SLC30A7: variants seen among roughly 807,000 people sequenced by gnomAD.
SLC30A7 encodes solute carrier family 30 member 7, also known as zinc transporter 7.
SLC30A7 carries 35 observed loss-of-function variants against 46.0 expected under a neutral mutation model. The ratio of observed to expected loss-of-function variants is 0.76; its 90% confidence interval spans 0.58 to 1.01. The LOEUF (loss-of-function observed/expected upper bound fraction) is 1.01, where lower values mean the gene tolerates loss of function less well. Ranked by LOEUF, SLC30A7 falls within the 50% of genes least tolerant of loss-of-function variation. The pLI, the probability that SLC30A7 is intolerant of heterozygous loss-of-function variation, is 0.00. For missense variants in SLC30A7, 464 were observed against 451.1 expected (o/e 1.03, Z -0.26); for synonymous variants, 147 against 157.8 (o/e 0.93, Z 0.51).
rs763199175 is a variant in SLC30A7 at position 100,921,861 on chromosome 1, T to C, written c.842+20T>C. ...TGTAAGGTAAGTGTTATTGTTACTT[T>C]CAAGTATTAAAGTGAGACTGAGAGA... On this transcript the variant is annotated intron_variant, in intron 8 of 10. Coordinates refer to ENST00000357650, the MANE Select transcript of SLC30A7 (RefSeq NM_133496.5). 5.8e-5 allele frequency: 93 copies of C among 1,598,270 alleles called. 2 individuals carry two copies. The highest frequency in any genetic ancestry group is 3.7e-4 in the South Asian group (33 of 90,410).
chr1:100,956,386 T>A (rs1421537098), intron 8 of SLC30A7, among the ~76,000 whole-genome samples: 1 of 152,116 alleles, frequency 6.6e-6, no homozygotes, highest in Non-Finnish European at 1.5e-5. Flanking sequence ...GGTTATTTTT[T>A]AAAAAGGTGG....
intron 8 of SLC30A7, among the ~76,000 whole-genome samples, chr1:100,940,246 A>C (rs764443214): frequency 2.0e-5 from 3 of 152,202 alleles, no homozygotes; most frequent in Non-Finnish European, 4.4e-5. Context: ...ATGTTATACT[A>C]TATACCCGGA....
At chr1:100,913,853 G>C in intron 6 of SLC30A7, 47 bp downstream of exon 6, 2 of 1,567,284 alleles carry the variant, frequency 1.3e-6, no homozygotes, top group Non-Finnish European at 8.7e-7. Context: ...ATAAACAAGA[G>C]TTTTGTGGAT....
At chr1:100,993,833 C>T in the SLC30A7 span, among the ~76,000 whole-genome samples, 19 of 151,638 alleles carry the variant, frequency 1.3e-4, no homozygotes, top group African/African-American at 4.6e-4. Context: ...CCTCTGCCTC[C>T]TGGGTTCAAG....
chr1:100,952,009 G>C (rs987572553), intron 8 of SLC30A7, among the ~76,000 whole-genome samples: 21 of 152,302 alleles, frequency 1.4e-4, no homozygotes, highest in African/African-American at 5.1e-4. Context: ...ATCTGAAGAG[G>C]CTATGCTGCT....
At chr1:100,968,922 G>A (rs1037201754) in intron 10 of SLC30A7, among the ~76,000 whole-genome samples, 8 of 152,172 alleles carry the variant, frequency 5.3e-5, no homozygotes, top group African/African-American at 1.9e-4. Context: ...GAAAAATATC[G>A]TTGGGTTCCC....
At chr1:100,920,156 C>T (rs1041085436) in intron 7 of SLC30A7, among the ~76,000 whole-genome samples, 3 of 151,978 alleles carry the variant, frequency 2.0e-5, no homozygotes, top group African/African-American at 7.2e-5. Context: ...TCATTATTTT[C>T]TTACAAATCA....
chr1:100,990,346 T>C, the SLC30A7 span: 1 of 1,502,212 alleles, frequency 6.7e-7, no homozygotes. Context: ...TGGGGATACA[T>C]CCAAACCATA....
At chr1:100,947,483 A>C (rs1308142009) in intron 8 of SLC30A7, among the ~76,000 whole-genome samples, 2 of 152,170 alleles carry the variant, frequency 1.3e-5, no homozygotes, top group Non-Finnish European at 2.9e-5. Flanking sequence ...TTATGTGGTC[A>C]ATTTTAGAAT....
At chr1:100,899,692 C>CA (rs1360823510) in intron 2 of SLC30A7, among the ~76,000 whole-genome samples, 1 of 151,932 alleles carries the variant, frequency 6.6e-6, no homozygotes, top group African/African-American at 2.4e-5. Flanking sequence ...CAAAACAAAA[C>CA]AAAAACCTAA....
At chr1:100,939,117 A>G (rs1352284653) in intron 8 of SLC30A7, among the ~76,000 whole-genome samples, 2 of 152,204 alleles carry the variant, frequency 1.3e-5, no homozygotes, top group Non-Finnish European at 2.9e-5. Flanking sequence ...AGGCATTACT[A>G]CCAAAATAGG....
At chr1:100,985,169 C>T (rs942839755), downstream of SLC30A7, among the ~76,000 whole-genome samples, 22 of 152,122 alleles carry the variant, frequency 1.4e-4, no homozygotes, top group African/African-American at 5.1e-4. Context: ...GAACAAAGCT[C>T]GGGAACCTGT....
intron 8 of SLC30A7, among the ~76,000 whole-genome samples, chr1:100,928,769 A>G (rs143790133): frequency 5.9e-5 from 9 of 152,318 alleles, no homozygotes; most frequent in African/African-American, 9.6e-5. Flanking sequence ...CGCAGAGGTC[A>G]CATAACCACT....
At chr1:100,990,984 T>A in the SLC30A7 span, among the ~76,000 whole-genome samples, 1 of 152,184 alleles carries the variant, frequency 6.6e-6, no homozygotes. Flanking sequence ...ATAACTTGCT[T>A]GAGATAATGT....
At position 100,965,532 on chromosome 1, in the gene SLC30A7, A is replaced by G. The variant is rs1346859665; in HGVS notation, c.934-237A>G. 3.3e-5 allele frequency among the ~76,000 whole-genome samples: 5 copies of G among 152,240 alleles called. No homozygotes were observed. In the East Asian group the frequency reaches 9.6e-4, roughly 29 times the overall value. Reference sequence around the variant, plus strand: ...AAATTTCCCTGTGGGGCACACTCTCAGGTGTGTCCTACAAATTTTGATACA... The same window carrying G: ...AAATTTCCCTGTGGGGCACACTCTCGGGTGTGTCCTACAAATTTTGATACA... On this transcript the variant is annotated intron_variant, in intron 9 of 10. Transcript: ENST00000357650.
intron 8 of SLC30A7, among the ~76,000 whole-genome samples, chr1:100,942,586 A>G (rs1340501010): frequency 6.6e-6 from 1 of 152,222 alleles, no homozygotes; most frequent in African/African-American, 2.4e-5. Context: ...TATTCAAGTG[A>G]AAAGCTGAGA....
intron 8 of SLC30A7, among the ~76,000 whole-genome samples, chr1:100,945,712 A>G (rs1406197175): frequency 6.6e-6 from 1 of 152,196 alleles, no homozygotes; most frequent in East Asian, 1.9e-4. Context: ...GTTTGAAGTC[A>G]GGTAACGTGA....
At chr1:100,899,029 C>A (rs1371768645) in intron 2 of SLC30A7, among the ~76,000 whole-genome samples, 1 of 152,118 alleles carries the variant, frequency 6.6e-6, no homozygotes, top group African/African-American at 2.4e-5. Flanking sequence ...TTTTCAGAGC[C>A]TTCATTTTAA....
chr1:100,993,774 C>T, the SLC30A7 span, among the ~76,000 whole-genome samples: 3 of 151,040 alleles, frequency 2.0e-5, no homozygotes, highest in East Asian at 5.8e-4. Flanking sequence ...GACAGTCTCA[C>T]TCTGTTGCCC....
Sources: allele counts gnomAD v4.1 joint callset (sites outside exome capture counted in the v4.1 genomes callset), GRCh38; gene constraint gnomAD v4.1.1; transcripts MANE v1.5; gene names NCBI Gene and HGNC (gene_info 2026-07-23, HGNC 2026-07-21).